The following CACNA1D variants were observed in gnomAD, a reference collection of about 807,000 sequenced individuals.
CACNA1D encodes the protein calcium voltage-gated channel subunit alpha1 D, also known as voltage-dependent L-type calcium channel subunit alpha-1D.
A neutral mutation model predicts 257.1 loss-of-function variants in CACNA1D; 55 were observed. The ratio of observed to expected loss-of-function variants is 0.21; its 90% CI spans 0.17 to 0.27. CACNA1D has a LOEUF of 0.27. Ranked by LOEUF, CACNA1D falls within the 10% of genes least tolerant of loss-of-function variation. The probability of loss-of-function intolerance (pLI) is 1.00; values close to 1 mark genes in which losing one functional copy is unlikely to be tolerated. For synonymous variants in CACNA1D, 980 were observed against 1,014.9 expected (o/e 0.97, Z 0.65); for missense variants, 1,876 against 2,784.0 (o/e 0.67, Z 7.34).
chr3:53,702,820 G>A lies in CACNA1D; in HGVS notation c.1390+10G>A, dbSNP rs371610547. On this transcript the variant is annotated intron_variant, in intron 9 of 47. Transcript: ENST00000350061. ...GAAGGCAAACGAAATAGTATGTAGCGCCTTTCCTGCCCCTGGCTAGACAGA... is the reference window on the plus strand; with the variant it reads ...GAAGGCAAACGAAATAGTATGTAGCACCTTTCCTGCCCCTGGCTAGACAGA... 3.7e-6 allele frequency: 6 copies of A among 1,613,886 alleles called. No individual in the cohort carries two copies. Among genetic ancestry groups the A allele is most frequent in the African/African-American group, 2.7e-5 (2 of 74,928 alleles).
Position 53,723,690 on chromosome 3 carries a change from T to G in CACNA1D, c.1892+31T>G, listed in dbSNP as rs1360075150. 2 of 1,605,608 alleles carry G rather than the reference T, an allele frequency of 1.2e-6. No individual in the cohort carries two copies. Among genetic ancestry groups the G allele is most frequent in the Admixed American group, 3.3e-5 (2 of 60,010 alleles). ...GAAATGTGGGTCCCACTGCAAATGT[T>G]TTATGAACATGAGGCGGCAACCAGT... is the stretch of plus-strand genomic sequence containing the variant. On this transcript the variant is annotated intron_variant, in intron 13 of 47. Transcript: ENST00000350061. The surrounding 1 kb of genome is among the most constrained non-coding windows in gnomAD (Gnocchi z 5.6).
rs2095534291 is a variant in CACNA1D, at chr3:53,801,235, C to T, written c.5218C>T (p.His1740Tyr). The T allele has an allele frequency of 3.7e-6, 6 of 1,613,944 alleles. No homozygotes were observed. The Middle Eastern group carries it at 4.9e-4, about 133-fold the overall frequency. Residue 1740 changes from histidine to tyrosine, a missense_variant, in exon 42 of 48, where the codon CAT becomes TAT. His to Tyr is a moderately conservative substitution (Grantham distance 83, BLOSUM62 2). This residue lies in a region of CACNA1D where 160 missense variants were observed against 236.6 expected (regional missense o/e 0.68). Coordinates refer to ENST00000350061, the MANE Select transcript of CACNA1D (RefSeq NM_001128840.3). ...PPAGNSVCHN[H>Y]HNHNSIGKQV... ...AGCAGGAAATTCGGTGTGTCATAACCATCATAACCATAATTCCATAGGAAA... is the reference window on the plus strand; with the variant it reads ...AGCAGGAAATTCGGTGTGTCATAACTATCATAACCATAATTCCATAGGAAA...
intron 20 of CACNA1D, among the ~76,000 whole-genome samples, 158 bp from the exon 21 acceptor site, chr3:53,740,122 G>A (rs1312489125): frequency 6.6e-6 from 1 of 152,232 alleles, no homozygotes; most frequent in Non-Finnish European, 1.5e-5. Context: ...ATTGACCAAA[G>A]TGGGCATTCA....
chr3:53,701,136 G>GTTATTA lies in CACNA1D; in HGVS notation c.1221-1490_1221-1485dup, dbSNP rs200118929. On this transcript the variant is annotated intron_variant, in intron 8 of 47. Coordinates refer to ENST00000350061, the MANE Select transcript of CACNA1D (RefSeq NM_001128840.3). ...ATATGGGGTTAGTTTTGTTGTTGTT[G>GTTATTA]TTATTATTATTATTATTATTTTGGA... 4.0e-5 allele frequency among the ~76,000 whole-genome samples: 6 copies of GTTATTA among 149,024 alleles called. 1 individual carries two copies. The highest frequency in any genetic ancestry group is 2.0e-4 in the Admixed American group (3 of 14,962).
At chr3:53,541,128 A>G (rs374099876) in intron 3 of CACNA1D, among the ~76,000 whole-genome samples, 3 of 152,190 alleles carry the variant, frequency 2.0e-5, no homozygotes, top group East Asian at 3.8e-4. Flanking sequence ...TCTTGACATA[A>G]TTTTGCGAGT....
intron 29 of CACNA1D, among the ~76,000 whole-genome samples, chr3:53,760,002 A>G (rs1200690040): frequency 6.6e-6 from 1 of 152,214 alleles, no homozygotes; most frequent in Admixed American, 6.5e-5. Context: ...TACATAGATC[A>G]TCAGATTTGG....
At chr3:53,524,141 G>T (rs1460556663) in intron 3 of CACNA1D, among the ~76,000 whole-genome samples, 1 of 152,212 alleles carries the variant, frequency 6.6e-6, no homozygotes, top group African/African-American at 2.4e-5. Flanking sequence ...AGGATGGGGG[G>T]AAGGTGCTCA....
chr3:53,767,066 C>T (rs1430097619), intron 30 of CACNA1D, among the ~76,000 whole-genome samples: 15 of 152,262 alleles, frequency 9.9e-5, no homozygotes, highest in South Asian at 6.2e-4. Flanking sequence ...ACTGTTCCCT[C>T]GTCAACCCAG....
intron 29 of CACNA1D, among the ~76,000 whole-genome samples, chr3:53,757,706 A>G (rs1479209675): frequency 6.6e-6 from 1 of 151,956 alleles, no homozygotes; most frequent in Non-Finnish European, 1.5e-5. Flanking sequence ...CCTCCCTGCT[A>G]TTTCTTCGTC....
chr3:53,731,878 C>T (rs1489699168), intron 17 of CACNA1D, 138 bp from the exon 18 acceptor site: 3 of 713,786 alleles, frequency 4.2e-6, no homozygotes, highest in African/African-American at 3.5e-5. Flanking sequence ...GGACATCTGC[C>T]TGTCCCTGCA....
chr3:53,519,477 G>A (rs1439360463), intron 3 of CACNA1D, among the ~76,000 whole-genome samples: 1 of 152,188 alleles, frequency 6.6e-6, no homozygotes, highest in African/African-American at 2.4e-5. Context: ...TATAATTGAA[G>A]CATCTTTGAC....
rs758049691 is a variant in CACNA1D at position 53,800,875 on chromosome 3, T to A, written c.5041-183T>A. The A allele has an allele frequency of 7.6e-6, 5 of 655,182 alleles. No individual in the cohort carries two copies. The highest frequency in any genetic ancestry group is 4.6e-5 in the Admixed American group (2 of 43,112). 40.6% of individuals were successfully genotyped at this position (655,182 alleles called of 1,614,324 possible). A position where few individuals can be genotyped will look rare whatever the true frequency, so the allele number is the denominator to read the frequency against. On this transcript the variant is annotated intron_variant, in intron 41 of 47. Transcript: ENST00000350061. The surrounding 1 kb of genome is among the most constrained non-coding windows in gnomAD (Gnocchi z 4.3). ...CAGGAAATCGGTAACCTTCCTCATC[T>A]CGGGGGGACCAACTGCCACACAGTC...
intron 3 of CACNA1D, among the ~76,000 whole-genome samples, chr3:53,610,072 T>C (rs1204106145): frequency 6.6e-6 from 1 of 152,256 alleles, no homozygotes; most frequent in Non-Finnish European, 1.5e-5. Context: ...TCATTGACTT[T>C]TAATTCCATT....
chr3:53,810,486 G>A, intron 47 of CACNA1D, 188 bp downstream of exon 47: 1 of 666,716 alleles, frequency 1.5e-6, no homozygotes, highest in Non-Finnish European at 2.7e-6. Context: ...ACTGGCTGCA[G>A]TGGCTTACGT....
intron 3 of CACNA1D, among the ~76,000 whole-genome samples, chr3:53,627,665 T>C (rs1056992213): frequency 5.3e-5 from 8 of 150,022 alleles, no homozygotes; most frequent in African/African-American, 2.0e-4. Context: ...AGGGCTGGCT[T>C]AGTGAGCCCT....
At chr3:53,776,836 C>T (rs1177613781) in intron 36 of CACNA1D, 24 bp from the exon 37 acceptor site, 1 of 1,612,592 alleles carries the variant, frequency 6.2e-7, no homozygotes, top group African/African-American at 1.3e-5. Flanking sequence ...TGTTCCTGGA[C>T]CTTAGATTGT....
Position 53,537,031 on chromosome 3 carries a change from A to T in CACNA1D, c.483+35311A>T, listed in dbSNP as rs535283258. On this transcript the variant is annotated intron_variant, in intron 3 of 47. Transcript: ENST00000350061. Reference sequence around the variant, plus strand: ...ATGGCTGGTTAGTCTCACTGCTCAGACTATGCCTTCTAATGTTTTTGATAA... The same window carrying T: ...ATGGCTGGTTAGTCTCACTGCTCAGTCTATGCCTTCTAATGTTTTTGATAA... Among the ~76,000 whole-genome samples the T allele has an allele frequency of 1.4e-4, 22 of 152,366 alleles. 1 individual carries two copies.
Position 53,751,343 on chromosome 3 carries a change from T to C in CACNA1D, c.3517-406T>C, listed in dbSNP as rs1369806043. On this transcript the variant is annotated intron_variant, in intron 27 of 47. Coordinates refer to ENST00000350061, the MANE Select transcript of CACNA1D (RefSeq NM_001128840.3). The surrounding 1 kb of genome is among the most constrained non-coding windows in gnomAD (Gnocchi z 4.3). ...ACAGCACAGGCAGGGGAACTATAGGTGTGATCCACCTATAGATCCCCCGTA... is the reference window on the plus strand; with the variant it reads ...ACAGCACAGGCAGGGGAACTATAGGCGTGATCCACCTATAGATCCCCCGTA... 6.6e-6 allele frequency among the ~76,000 whole-genome samples: 1 copy of C among 152,138 alleles called. No individual in the cohort carries two copies. The highest frequency in any genetic ancestry group is 2.4e-5 in the African/African-American group (1 of 41,428).
At chr3:53,586,086 C>A (rs1309415509) in intron 3 of CACNA1D, among the ~76,000 whole-genome samples, 4 of 152,074 alleles carry the variant, frequency 2.6e-5, no homozygotes, top group Non-Finnish European at 5.9e-5. Context: ...GGGTAATGGG[C>A]CAGAAAGCTC....
Sources: gnomAD v4.1 joint callset for allele counts (sites outside exome capture counted in the v4.1 genomes callset) on GRCh38, gnomAD v4.1.1 for gene constraint, gnomAD v4.1.1 regional missense constraint, Gnocchi (gnomAD v3.1) non-coding constraint, MANE v1.5 for transcripts, NCBI Gene and HGNC (gene_info 2026-07-23, HGNC 2026-07-21) for gene names.